The following KIAA1328 variants were observed in gnomAD, a reference collection of about 807,000 sequenced individuals.
KIAA1328 encodes the protein KIAA1328.
In KIAA1328, 52 loss-of-function variants were observed where a neutral mutation model predicts 68.1. The ratio of observed to expected loss-of-function variants is 0.76; its 90% CI spans 0.61 to 0.96. The LOEUF (loss-of-function observed/expected upper bound fraction) is 0.96, where lower values mean the gene tolerates loss of function less well. Ranked by LOEUF, KIAA1328 falls within the 40% of genes least tolerant of loss-of-function variation. The pLI, the probability that KIAA1328 is intolerant of heterozygous loss-of-function variation, is 0.00. For missense variants in KIAA1328, 641 were observed against 677.6 expected (o/e 0.95, Z 0.60); for synonymous variants, 232 against 239.4 (o/e 0.97, Z 0.28).
At chr18:37,069,449 A>T (rs549400923) in intron 7 of KIAA1328, among the ~76,000 whole-genome samples, 8 of 151,806 alleles carry the variant, frequency 5.3e-5, no homozygotes, top group Non-Finnish European at 1.0e-4. Context: ...TTGATGAGGG[A>T]TATTGTTCTG....
At chr18:37,103,308 AC>A (rs1421735778) in intron 7 of KIAA1328, among the ~76,000 whole-genome samples, 3 of 152,214 alleles carry the variant, frequency 2.0e-5, no homozygotes, top group African/African-American at 7.2e-5. Context: ...GAAAATAGAC[AC>A]ATAGACCAGT....
At chr18:37,057,675 T>A (rs1278864729) in intron 6 of KIAA1328, among the ~76,000 whole-genome samples, 1 of 151,954 alleles carries the variant, frequency 6.6e-6, no homozygotes, top group East Asian at 1.9e-4. Flanking sequence ...GACCTCGTGA[T>A]CCACCTGCCT....
chr18:37,145,949 A>T (rs1018193076), intron 7 of KIAA1328, among the ~76,000 whole-genome samples: 1 of 152,106 alleles, frequency 6.6e-6, no homozygotes, highest in Non-Finnish European at 1.5e-5. Flanking sequence ...ATTTAACTTA[A>T]TTATTGATAC....
chr18:36,867,588 C>G (rs2047797773), intron 4 of KIAA1328, among the ~76,000 whole-genome samples: 1 of 152,136 alleles, frequency 6.6e-6, no homozygotes, highest in South Asian at 2.1e-4. Context: ...AAGTTTAAAG[C>G]ATTCTTACAA....
At chr18:36,932,672 T>C (rs2050353948) in intron 5 of KIAA1328, among the ~76,000 whole-genome samples, 1 of 152,210 alleles carries the variant, frequency 6.6e-6, no homozygotes, top group Non-Finnish European at 1.5e-5. Flanking sequence ...TAAAGTCCCA[T>C]TGTTCAGTCA....
chr18:37,223,059 C>G lies in KIAA1328; in HGVS notation c.*832C>G. 16 of 349,014 alleles carry G rather than the reference C, an allele frequency of 4.6e-5. No individual in the cohort carries two copies. Among genetic ancestry groups the G allele is most frequent in the Non-Finnish European group, 6.1e-5 (16 of 262,168 alleles). 21.6% of individuals were successfully genotyped at this position (349,014 alleles called of 1,614,324 possible). A position where few individuals can be genotyped will look rare whatever the true frequency, so the allele number is the denominator to read the frequency against. ...GTTCAGCTTATTCACCCCACCCCCCCACCCCCCATCACACGTGCTCCTGTG... is the reference window on the plus strand; with the variant it reads ...GTTCAGCTTATTCACCCCACCCCCCGACCCCCCATCACACGTGCTCCTGTG... On this transcript the variant is annotated 3_prime_UTR_variant, in exon 10 of 10. Coordinates refer to ENST00000280020, the MANE Select transcript of KIAA1328 (RefSeq NM_020776.3).
At chr18:37,155,747 TC>T (rs2059138099) in intron 7 of KIAA1328, among the ~76,000 whole-genome samples, 1 of 152,186 alleles carries the variant, frequency 6.6e-6, no homozygotes, top group African/African-American at 2.4e-5. Context: ...ACGCAACCTT[TC>T]ATGATCTGAC....
At chr18:37,199,555 A>T (rs890641662) in intron 9 of KIAA1328, among the ~76,000 whole-genome samples, 30 of 152,198 alleles carry the variant, frequency 2.0e-4, no homozygotes, top group African/African-American at 7.2e-4. Flanking sequence ...TGCAATGAAC[A>T]ACATGTGCAT....
At chr18:37,221,130 A>G (rs1464464238) in intron 9 of KIAA1328, among the ~76,000 whole-genome samples, 2 of 152,098 alleles carry the variant, frequency 1.3e-5, no homozygotes, top group East Asian at 1.9e-4. Context: ...CCCGGCCCCC[A>G]GAATGTTTTT....
chr18:36,864,909 C>T (rs1374029051), intron 4 of KIAA1328, among the ~76,000 whole-genome samples: 1 of 150,502 alleles, frequency 6.6e-6, no homozygotes, highest in Non-Finnish European at 1.5e-5. Flanking sequence ...AGGATCTGTG[C>T]TTTCATTTCT....
intron 5 of KIAA1328, among the ~76,000 whole-genome samples, chr18:36,888,270 A>G (rs1403370748): frequency 6.6e-6 from 1 of 152,134 alleles, no homozygotes; most frequent in Non-Finnish European, 1.5e-5. Flanking sequence ...GCTTTTGTGC[A>G]CCAACTGCAG....
intron 7 of KIAA1328, among the ~76,000 whole-genome samples, chr18:37,158,500 G>A (rs1311454791): frequency 9.9e-5 from 15 of 152,112 alleles, no homozygotes; most frequent in Admixed American, 8.5e-4. Flanking sequence ...ATAAGAAAAA[G>A]AGATGATTGA....
chr18:37,039,687 A>G (rs1284155101), intron 6 of KIAA1328, among the ~76,000 whole-genome samples: 1 of 152,204 alleles, frequency 6.6e-6, no homozygotes, highest in African/African-American at 2.4e-5. Context: ...CTGGGATTAC[A>G]GGCATCAGCC....
chr18:37,015,193 G>A (rs1050125470), intron 6 of KIAA1328, among the ~76,000 whole-genome samples: 1 of 152,110 alleles, frequency 6.6e-6, no homozygotes, highest in Admixed American at 6.5e-5. Context: ...TGAAAGGTAG[G>A]GATCTAGTTT....
intron 6 of KIAA1328, among the ~76,000 whole-genome samples, chr18:37,066,253 A>C (rs1410294872): frequency 1.3e-5 from 2 of 152,238 alleles, no homozygotes; most frequent in East Asian, 3.8e-4. Flanking sequence ...CCCGAGTTCT[A>C]TCAGACTAAT....
chr18:36,979,851 T>C (rs2052614682), intron 6 of KIAA1328, among the ~76,000 whole-genome samples: 1 of 152,232 alleles, frequency 6.6e-6, no homozygotes. Flanking sequence ...ACCAGTGCTA[T>C]GGTCTGATTG....
chr18:37,014,481 C>T (rs2054082470), intron 6 of KIAA1328, among the ~76,000 whole-genome samples: 1 of 152,110 alleles, frequency 6.6e-6, no homozygotes, highest in Admixed American at 6.6e-5. Flanking sequence ...TCTCGCATTG[C>T]TGTAGAGAAA....
At position 37,224,129 on chromosome 18, in the gene KIAA1328, TG is replaced by T. The variant is rs2060609467; in HGVS notation, c.*1903del. 11 of 985,376 alleles carry T rather than the reference TG, an allele frequency of 1.1e-5. No individual in the cohort carries two copies. The South Asian group carries it at 2.3e-4, about 21-fold the overall frequency. The allele number at this position is 985,376 out of a possible 1,614,324, so 61.0% of individuals were successfully genotyped here. ...TAGGTTGCCAGAACTTTCTTTTCCT[TG>T]CCCCCTGTGTCATGACTAGCTTAAG... On this transcript the variant is annotated 3_prime_UTR_variant, in exon 10 of 10. Transcript: ENST00000280020.
At chr18:36,992,395 G>A (rs2053214700) in intron 6 of KIAA1328, among the ~76,000 whole-genome samples, 1 of 148,764 alleles carries the variant, frequency 6.7e-6, no homozygotes, top group South Asian at 2.1e-4. Context: ...TAATTCATTT[G>A]CAATTAATTC....
Sources: gnomAD v4.1 joint callset for allele counts (sites outside exome capture counted in the v4.1 genomes callset) on GRCh38, gnomAD v4.1.1 for gene constraint, MANE v1.5 for transcripts, NCBI Gene and HGNC (gene_info 2026-07-23, HGNC 2026-07-21) for gene names.